Variants in ZNF385D observed in about 807,000 individuals in gnomAD.
ZNF385D encodes zinc finger protein 659.
ZNF385D carries 15 observed loss-of-function variants against 35.8 expected under a neutral mutation model. The observed-to-expected ratio is 0.42, with a 90% CI of 0.28 to 0.64. The LOEUF (loss-of-function observed/expected upper bound fraction) is 0.64, where lower values mean the gene tolerates loss of function less well. Among genes scored for constraint, ZNF385D ranks in the 30% least tolerant of loss-of-function variants. The pLI is 0.23. For missense variants in ZNF385D, 474 were observed against 494.6 expected (o/e 0.96, Z 0.39); for synonymous variants, 212 against 186.8 (o/e 1.13, Z -1.10).
At chr3:21,448,727 C>T (rs931714389) in intron 4 of ZNF385D, among the ~76,000 whole-genome samples, 23 of 152,122 alleles carry the variant, frequency 1.5e-4, no homozygotes, top group African/African-American at 5.1e-4. Flanking sequence ...TCTAAGAAGC[C>T]AAGATTCCCT....
At position 21,506,153 on chromosome 3, in the gene ZNF385D, C is replaced by T. The variant is rs552469478; in HGVS notation, c.439+4708G>A. Reference sequence around the variant, plus strand: ...TCTAGAGGAGAATTATTCTTGCCTGCCCCATTGTAATCAGGCTTGGCCATG... The same window carrying T: ...TCTAGAGGAGAATTATTCTTGCCTGTCCCATTGTAATCAGGCTTGGCCATG... On this transcript the variant is annotated intron_variant, in intron 4 of 7. Coordinates refer to ENST00000281523, the MANE Select transcript of ZNF385D (RefSeq NM_024697.3). Among the ~76,000 whole-genome samples the T allele has an allele frequency of 1.1e-3, 173 of 152,264 alleles. 1 individual carries two copies. The highest frequency in any genetic ancestry group is 4.0e-3 in the African/African-American group (168 of 41,562).
At chr3:21,477,615 T>C (rs1172956176) in intron 4 of ZNF385D, among the ~76,000 whole-genome samples, 2 of 152,140 alleles carry the variant, frequency 1.3e-5, no homozygotes, top group African/African-American at 4.8e-5. Context: ...TAATCTACTA[T>C]GTCTACCCAC....
At chr3:21,613,526 C>G (rs962331545) in intron 2 of ZNF385D, among the ~76,000 whole-genome samples, 2 of 152,186 alleles carry the variant, frequency 1.3e-5, no homozygotes, top group South Asian at 2.1e-4. Flanking sequence ...AAATCCTCCT[C>G]TGTGGGTTAC....
intron 2 of ZNF385D, among the ~76,000 whole-genome samples, chr3:21,643,048 TA>T (rs1235035101): frequency 6.6e-6 from 1 of 152,082 alleles, no homozygotes; most frequent in Non-Finnish European, 1.5e-5. Context: ...CTTAAAATGG[TA>T]CATTTAAAAA....
At chr3:22,249,673 G>A (rs1467054306) in intron 2 of ZNF385D, among the ~76,000 whole-genome samples, 4 of 152,200 alleles carry the variant, frequency 2.6e-5, no homozygotes, top group Non-Finnish European at 5.9e-5. Flanking sequence ...GATAACTGAA[G>A]AGCAACAGCA....
At chr3:22,160,319 A>G (rs1705865742) in intron 3 of ZNF385D, among the ~76,000 whole-genome samples, 1 of 152,150 alleles carries the variant, frequency 6.6e-6, no homozygotes, top group African/African-American at 2.4e-5. Flanking sequence ...GTGAAGCCAC[A>G]AATGTTCTAG....
chr3:22,361,955 A>C lies in ZNF385D; in HGVS notation c.106+10495T>G, dbSNP rs568127301. Among the ~76,000 whole-genome samples the C allele has an allele frequency of 3.7e-4, 56 of 152,056 alleles. 2 individuals are homozygous for C. The South Asian group carries it at 0.011, about 29-fold the overall frequency. ...TATATGAACTAGCAGGAAAAATAAA[A>C]ACATTTTGCTCTAAATAGACATAGA... On this transcript the variant is annotated intron_variant, in intron 2 of 5. Coordinates refer to the ZNF385D transcript ENST00000494108.
chr3:21,971,770 A>C (rs1703273973), intron 3 of ZNF385D, among the ~76,000 whole-genome samples: 1 of 151,978 alleles, frequency 6.6e-6, no homozygotes, highest in Non-Finnish European at 1.5e-5. Flanking sequence ...GGGATGAAAA[A>C]AGATATTTCG....
chr3:21,451,010 T>TC (rs1230519052), intron 4 of ZNF385D, among the ~76,000 whole-genome samples: 1 of 152,170 alleles, frequency 6.6e-6, no homozygotes, highest in Admixed American at 6.6e-5. Context: ...AACTTTTTTT[T>TC]CAAGATAAGA....
intron 3 of ZNF385D, among the ~76,000 whole-genome samples, chr3:22,057,028 T>C (rs1481672851): frequency 6.6e-6 from 1 of 152,212 alleles, no homozygotes; most frequent in Non-Finnish European, 1.5e-5. Context: ...TGAATTTGTG[T>C]CAGAAGTGAG....
At chr3:22,332,159 T>C (rs532483741) in intron 2 of ZNF385D, among the ~76,000 whole-genome samples, 2 of 152,276 alleles carry the variant, frequency 1.3e-5, no homozygotes, top group African/African-American at 4.8e-5. Flanking sequence ...CAAGACCTGG[T>C]TGTTTTATGC....
chr3:22,234,844 C>T (rs2125303738), intron 2 of ZNF385D, among the ~76,000 whole-genome samples: 1 of 152,080 alleles, frequency 6.6e-6, no homozygotes, highest in South Asian at 2.1e-4. Flanking sequence ...TAAAATATTG[C>T]ATCTGAATAG....
At chr3:22,086,308 A>C (rs901652926) in intron 3 of ZNF385D, among the ~76,000 whole-genome samples, 2 of 152,160 alleles carry the variant, frequency 1.3e-5, no homozygotes, top group African/African-American at 2.4e-5. Flanking sequence ...AAAACCTCAT[A>C]GTCTCAGCCC....
intron 3 of ZNF385D, among the ~76,000 whole-genome samples, chr3:22,113,834 A>C (rs1220100535): frequency 6.6e-6 from 1 of 152,114 alleles, no homozygotes; most frequent in African/African-American, 2.4e-5. Context: ...TCAAGATTGA[A>C]TACATCAATA....
At chr3:22,045,970 A>G (rs536267224) in intron 3 of ZNF385D, among the ~76,000 whole-genome samples, 1 of 152,224 alleles carries the variant, frequency 6.6e-6, no homozygotes, top group Admixed American at 6.5e-5. Context: ...AATTGCCTCC[A>G]GGGAAGAAAA....
chr3:21,453,784 CTG>C (rs1460955112), intron 4 of ZNF385D, among the ~76,000 whole-genome samples: 3 of 151,914 alleles, frequency 2.0e-5, no homozygotes, highest in Non-Finnish European at 4.4e-5. Flanking sequence ...GGTGCTGTCA[CTG>C]TGGAAAAATT....
chr3:21,945,205 G>A (rs1034427529), intron 3 of ZNF385D, among the ~76,000 whole-genome samples: 4 of 151,876 alleles, frequency 2.6e-5, no homozygotes, highest in African/African-American at 9.7e-5. Context: ...TTGAGAGAAA[G>A]AGAATGAAAG....
intron 4 of ZNF385D, chr3:21,441,680 A>T: frequency 1.0e-6 from 1 of 985,344 alleles, no homozygotes; most frequent in Non-Finnish European, 1.2e-6. Context: ...ATAGCTCTCA[A>T]CTAACCTCTT....
At chr3:22,075,646 T>C (rs1429980628) in intron 3 of ZNF385D, among the ~76,000 whole-genome samples, 1 of 151,948 alleles carries the variant, frequency 6.6e-6, no homozygotes, top group Non-Finnish European at 1.5e-5. Flanking sequence ...TGAAGGCTTA[T>C]GCTTGAGTTC....
Sources: gnomAD v4.1 joint callset for allele counts (sites outside exome capture counted in the v4.1 genomes callset) on GRCh38, gnomAD v4.1.1 for gene constraint, MANE v1.5 for transcripts, NCBI Gene and HGNC (gene_info 2026-07-23, HGNC 2026-07-21) for gene names.